DNAH9: variants seen among roughly 807,000 people sequenced by gnomAD.
DNAH9 encodes DNAH9 variant protein.
In DNAH9, 345 loss-of-function variants were observed where a neutral mutation model predicts 471.6. That is an observed-to-expected ratio of 0.73 (90% CI 0.67 to 0.80). The LOEUF is 0.80. DNAH9 is among the 30% of genes least tolerant of loss of function. The pLI is 0.00. For missense variants in DNAH9, 5,407 were observed against 5,609.2 expected (o/e 0.96, Z 1.15); for synonymous variants, 2,093 against 2,123.6 (o/e 0.99, Z 0.40).
chr17:11,842,302 G>C (rs1033908876), intron 49 of DNAH9, among the ~76,000 whole-genome samples: 1 of 152,080 alleles, frequency 6.6e-6, no homozygotes, highest in Non-Finnish European at 1.5e-5. Context: ...GCCACCAACT[G>C]GTAAAGTTAA....
intron 52 of DNAH9, among the ~76,000 whole-genome samples, chr17:11,873,814 C>T (rs991835155): frequency 2.6e-5 from 4 of 151,790 alleles, no homozygotes; most frequent in East Asian, 1.9e-4. Flanking sequence ...GGGGTAGAGC[C>T]GATGGCTGCA....
intron 27 of DNAH9, among the ~76,000 whole-genome samples, chr17:11,721,208 C>T (rs1157441589): frequency 1.3e-5 from 2 of 152,166 alleles, no homozygotes; most frequent in African/African-American, 4.8e-5. Context: ...GAACCCTAAC[C>T]CCACCAATTT....
At chr17:11,807,704 C>T (rs368733073) in intron 43 of DNAH9, 28 bp from the exon 44 acceptor site, 1 of 1,586,994 alleles carries the variant, frequency 6.3e-7, no homozygotes, top group African/African-American at 1.3e-5. Flanking sequence ...CTGATCAAAG[C>T]AACATGTGCC....
intron 14 of DNAH9, among the ~76,000 whole-genome samples, chr17:11,662,045 T>A (rs62060826): frequency 0.34 from 51,160 of 151,918 alleles, 8,836 homozygotes; most frequent in Middle Eastern, 0.42. Flanking sequence ...AAAAATGTCC[T>A]TATTTCATCT....
chr17:11,707,304 T>G (rs546451412), intron 26 of DNAH9, among the ~76,000 whole-genome samples: 2 of 152,366 alleles, frequency 1.3e-5, no homozygotes, highest in Non-Finnish European at 2.9e-5. Flanking sequence ...GAATCTGTGC[T>G]ATTTTTTGAC....
intron 35 of DNAH9, among the ~76,000 whole-genome samples, chr17:11,761,369 G>A (rs752623341): frequency 1.3e-4 from 20 of 152,186 alleles, no homozygotes; most frequent in Non-Finnish European, 2.5e-4. Context: ...CTGACCCATC[G>A]CTGTAAAAGC....
In DNAH9 at chr17:11,852,999, G is replaced by A. The variant is rs556803719; in HGVS notation, c.9508-1004G>A. ...ATAAGTATATATAAGAAAGTAGGAT[G>A]TGGGTCACTTTAGGTTTTCAGCAAA... is the stretch of plus-strand genomic sequence containing the variant. On this transcript the variant is annotated intron_variant, in intron 49 of 68. Transcript: ENST00000262442. Among the ~76,000 whole-genome samples, 12 of 151,240 alleles carry A rather than the reference G, an allele frequency of 7.9e-5. No homozygotes were observed. The South Asian group carries it at 2.5e-3, about 32-fold the overall frequency.
intron 49 of DNAH9, among the ~76,000 whole-genome samples, chr17:11,843,395 G>A (rs1971096525): frequency 1.3e-5 from 2 of 152,048 alleles, no homozygotes; most frequent in Admixed American, 1.3e-4. Flanking sequence ...GTACAAATAA[G>A]TGTAAAGAAA....
At chr17:11,603,843 C>T (rs1161375989) in intron 1 of DNAH9, among the ~76,000 whole-genome samples, 1 of 152,132 alleles carries the variant, frequency 6.6e-6, no homozygotes, top group Non-Finnish European at 1.5e-5. Flanking sequence ...CTCCACTTGA[C>T]TAAATTGAAC....
intron 22 of DNAH9, among the ~76,000 whole-genome samples, chr17:11,696,481 G>A (rs2018572): frequency 0.77 from 117,361 of 152,006 alleles, 45,759 homozygotes; most frequent in East Asian, 0.9. Context: ...TGAGATTCCC[G>A]GCTCAAAGGG....
intron 21 of DNAH9, 97 bp downstream of exon 21, chr17:11,694,095 C>A: frequency 6.9e-7 from 1 of 1,457,818 alleles, no homozygotes; most frequent in Non-Finnish European, 9.4e-7. Context: ...GTATGGGTGC[C>A]TTGCATGTCC....
chr17:11,799,847 A>G (rs1482717076), intron 43 of DNAH9, among the ~76,000 whole-genome samples: 1 of 152,202 alleles, frequency 6.6e-6, no homozygotes, highest in Non-Finnish European at 1.5e-5. Context: ...GGACTCCCAA[A>G]GTGCTGGGAT....
chr17:11,924,684 C>T (rs2003511), intron 62 of DNAH9, among the ~76,000 whole-genome samples: 22,128 of 132,622 alleles, frequency 0.17, 1,764 homozygotes, highest in Middle Eastern at 0.29. Flanking sequence ...AGTGCAATGG[C>T]GCAATCTCAA....
chr17:11,710,346 C>G (rs533486233), intron 26 of DNAH9, among the ~76,000 whole-genome samples: 1 of 152,010 alleles, frequency 6.6e-6, no homozygotes, highest in African/African-American at 2.4e-5. Flanking sequence ...CTTATATGTA[C>G]AATTTTAAGC....
In DNAH9 at chr17:11,617,637, G is replaced by C; in HGVS notation, c.1116+15G>C. 2.5e-6 allele frequency: 4 copies of C among 1,606,002 alleles called. No individual in the cohort carries two copies. The highest frequency in any genetic ancestry group is 3.4e-6 in the Non-Finnish European group (4 of 1,173,336). ...TCATCCAGCAGGTGGGCTGCCCTGGGATGCCCAGCAACTGCTCCCTGGGGG... is the reference window on the plus strand; with the variant it reads ...TCATCCAGCAGGTGGGCTGCCCTGGCATGCCCAGCAACTGCTCCCTGGGGG... On this transcript the variant is annotated intron_variant, in intron 5 of 68. Transcript: ENST00000262442.
At chr17:11,636,038 G>T (rs566046339) in intron 8 of DNAH9, among the ~76,000 whole-genome samples, 3 of 151,316 alleles carry the variant, frequency 2.0e-5, no homozygotes, top group South Asian at 2.1e-4. Context: ...TCACTCTGTC[G>T]CCCAGGCTGG....
chr17:11,930,780 A>AAAAAAAAAAAAAAAAAAAAAAAAAAT (rs1567558351), intron 63 of DNAH9, among the ~76,000 whole-genome samples: 3 of 151,044 alleles, frequency 2.0e-5, no homozygotes, highest in African/African-American at 7.3e-5. Context: ...AAAAAAAAAA[A>AAAAAAAAAAAAAAAAAAAAAAAAAAT]AATTGCAGAT....
intron 45 of DNAH9, among the ~76,000 whole-genome samples, chr17:11,817,874 T>C (rs56375617): frequency 0.049 from 7,527 of 152,288 alleles, 631 homozygotes; most frequent in African/African-American, 0.17. Context: ...ATCACTTTCA[T>C]GATAATTCAT....
chr17:11,891,657 GCCTGGCCTTGGGAAAAAATTTC>G, intron 57 of DNAH9, 98 bp from the exon 58 acceptor site: 1 of 1,225,142 alleles, frequency 8.2e-7, no homozygotes, highest in Admixed American at 2.2e-5. Context: ...GAGCCACCGT[GCCTGGCCTTGGGAAAAAATTTC>G]TATGGGCTGG....
Sources: allele counts gnomAD v4.1 joint callset (sites outside exome capture counted in the v4.1 genomes callset), GRCh38; gene constraint gnomAD v4.1.1; transcripts MANE v1.5; gene names NCBI Gene and HGNC (gene_info 2026-07-23, HGNC 2026-07-21).